Variants in MYO1D observed in about 807,000 individuals in gnomAD.
The protein encoded by MYO1D is myosin ID.
In MYO1D, 83 loss-of-function variants were observed where a neutral mutation model predicts 122.0. That is an observed-to-expected ratio of 0.68 (90% confidence interval 0.57 to 0.82). The LOEUF is 0.82. Among genes scored for constraint, MYO1D ranks in the 40% least tolerant of loss-of-function variants. MYO1D has a pLI of 0.00. For synonymous variants in MYO1D, 464 were observed against 446.9 expected (o/e 1.04, Z -0.48); for missense variants, 1,157 against 1,269.5 (o/e 0.91, Z 1.35).
intron 1 of MYO1D, among the ~76,000 whole-genome samples, chr17:32,843,097 T>C (rs1193803038): frequency 6.6e-6 from 1 of 151,810 alleles, no homozygotes; most frequent in African/African-American, 2.4e-5. Flanking sequence ...ATCATATTGG[T>C]CAGGCTGGTC....
intron 21 of MYO1D, among the ~76,000 whole-genome samples, chr17:32,600,853 C>T (rs2087553417): frequency 6.6e-6 from 1 of 152,174 alleles, no homozygotes; most frequent in Non-Finnish European, 1.5e-5. Flanking sequence ...TTTGCATTCA[C>T]AACTGGGCTG....
At chr17:32,838,959 C>T (rs2090852637) in intron 1 of MYO1D, among the ~76,000 whole-genome samples, 1 of 152,062 alleles carries the variant, frequency 6.6e-6, no homozygotes, top group Non-Finnish European at 1.5e-5. Context: ...ACACTAAATG[C>T]TTAATATATG....
rs547073653 is a variant in MYO1D at position 32,508,707 on chromosome 17, G to C, written c.2865-13792C>G. 2.0e-5 allele frequency among the ~76,000 whole-genome samples: 3 copies of C among 152,326 alleles called. No individual in the cohort carries two copies. The East Asian group carries it at 5.8e-4, about 29-fold the overall frequency. ...CAGCACGAGGTGAATTTCCTTTTCA[G>C]AAGAGGAAATGAGAAGGCCCAAAGA... On this transcript the variant is annotated intron_variant, in intron 21 of 21. Coordinates refer to ENST00000318217, the MANE Select transcript of MYO1D (RefSeq NM_015194.3).
At chr17:32,579,598 C>A (rs2087310651) in intron 21 of MYO1D, among the ~76,000 whole-genome samples, 1 of 152,182 alleles carries the variant, frequency 6.6e-6, no homozygotes, top group African/African-American at 2.4e-5. Flanking sequence ...ACCATCACTG[C>A]ACTCAAACTA....
At chr17:32,796,713 C>G (rs2090420289) in intron 1 of MYO1D, among the ~76,000 whole-genome samples, 1 of 152,138 alleles carries the variant, frequency 6.6e-6, no homozygotes, top group South Asian at 2.1e-4. Context: ...CATGCCCAGC[C>G]AAACATCCTT....
intron 1 of MYO1D, among the ~76,000 whole-genome samples, chr17:32,790,070 A>C (rs1473454402): frequency 6.6e-6 from 1 of 152,224 alleles, no homozygotes; most frequent in Non-Finnish European, 1.5e-5. Context: ...TTCTTCACCT[A>C]TATAGAGCAA....
chr17:32,859,009 T>C (rs1430477288), intron 1 of MYO1D, among the ~76,000 whole-genome samples: 1 of 152,200 alleles, frequency 6.6e-6, no homozygotes, highest in Non-Finnish European at 1.5e-5. Context: ...AACCCTGGAA[T>C]TACCCATTTC....
chr17:32,498,826 A>G (rs1006389058), intron 21 of MYO1D: 1 of 152,218 alleles, frequency 6.6e-6, no homozygotes, highest in Non-Finnish European at 1.5e-5. Context: ...TCACAAAACC[A>G]TATGAATGTT....
At chr17:32,658,087 G>C (rs2088502590) in intron 17 of MYO1D, among the ~76,000 whole-genome samples, 1 of 151,920 alleles carries the variant, frequency 6.6e-6, no homozygotes, top group African/African-American at 2.4e-5. Context: ...GAAGGTTGAG[G>C]TACTTTTGTT....
At chr17:32,744,770 C>T (rs2089813444) in intron 13 of MYO1D, among the ~76,000 whole-genome samples, 1 of 152,212 alleles carries the variant, frequency 6.6e-6, no homozygotes, top group South Asian at 2.1e-4. Flanking sequence ...TCTGCTCAGT[C>T]ACTATCAGGG....
At chr17:32,509,264 G>T (rs1909603033) in intron 21 of MYO1D, among the ~76,000 whole-genome samples, 1 of 152,230 alleles carries the variant, frequency 6.6e-6, no homozygotes, top group African/African-American at 2.4e-5. Context: ...TGTTCAAGGG[G>T]TGCCTTTTGG....
At position 32,494,418 on chromosome 17, in the gene MYO1D, C is replaced by T; in HGVS notation, c.*341G>A. ...TCTGCAGGGTCAGCAGCAGGGAGGACACCTGTCCAGGTGCTCTGACTTGAC... is the reference window on the plus strand; with the variant it reads ...TCTGCAGGGTCAGCAGCAGGGAGGATACCTGTCCAGGTGCTCTGACTTGAC... On this transcript the variant is annotated 3_prime_UTR_variant, in exon 22 of 22. Coordinates refer to ENST00000318217, the MANE Select transcript of MYO1D (RefSeq NM_015194.3). The T allele has an allele frequency of 4.0e-6, 1 of 247,664 alleles. No individual in the cohort carries two copies. Among genetic ancestry groups the T allele is most frequent in the Non-Finnish European group, 7.8e-6 (1 of 127,508 alleles). The allele number at this position is 247,664 out of a possible 1,614,324, so 15.3% of individuals were successfully genotyped here.
intron 20 of MYO1D, among the ~76,000 whole-genome samples, chr17:32,623,007 T>A (rs1017603144): frequency 6.6e-6 from 1 of 152,220 alleles, no homozygotes; most frequent in Non-Finnish European, 1.5e-5. Context: ...AAATGCAATA[T>A]AAGATATTTT....
chr17:32,713,324 T>A (rs1348985053), intron 15 of MYO1D, among the ~76,000 whole-genome samples: 1 of 152,232 alleles, frequency 6.6e-6, no homozygotes, highest in African/African-American at 2.4e-5. Context: ...GTGATTAACA[T>A]GCTGCCTTTA....
rs145555878 is a variant in MYO1D at position 32,664,726 on chromosome 17, C to T, written c.2122-5388G>A. Among the ~76,000 whole-genome samples the T allele has an allele frequency of 1.8e-3, 281 of 152,290 alleles. 2 individuals are homozygous for T. The highest frequency in any genetic ancestry group is 0.01 in the Middle Eastern group (3 of 292). On this transcript the variant is annotated intron_variant, in intron 16 of 21. Transcript: ENST00000318217. The stretch of plus-strand genomic sequence containing the variant: ...AGCGGCAAACAGAGAGGCCTGCTGA[C>T]AGGGAACGACTCAGGTATAAACAGA...
chr17:32,582,238 A>C (rs559278242), intron 21 of MYO1D, among the ~76,000 whole-genome samples: 1 of 152,328 alleles, frequency 6.6e-6, no homozygotes, highest in African/African-American at 2.4e-5. Context: ...TTGACATAAA[A>C]GCTGAGGGCA....
At chr17:32,503,592 G>A (rs1212094721) in intron 21 of MYO1D, among the ~76,000 whole-genome samples, 3 of 152,222 alleles carry the variant, frequency 2.0e-5, no homozygotes, top group Non-Finnish European at 4.4e-5. Flanking sequence ...GTTCTCTCAA[G>A]TTTGGTAACA....
At chr17:32,809,711 T>C (rs1489351929) in intron 1 of MYO1D, among the ~76,000 whole-genome samples, 1 of 152,152 alleles carries the variant, frequency 6.6e-6, no homozygotes. Context: ...AGTGCTGGGA[T>C]TATAGGTGTA....
At chr17:32,546,114 G>A (rs934905267) in intron 21 of MYO1D, among the ~76,000 whole-genome samples, 3 of 152,106 alleles carry the variant, frequency 2.0e-5, no homozygotes, top group Non-Finnish European at 4.4e-5. Flanking sequence ...TCACACACCC[G>A]CCCTGGAGCA....
Sources: gnomAD v4.1 joint callset for allele counts (sites outside exome capture counted in the v4.1 genomes callset) on GRCh38, gnomAD v4.1.1 for gene constraint, MANE v1.5 for transcripts, NCBI Gene and HGNC (gene_info 2026-07-23, HGNC 2026-07-21) for gene names.